CEP152: variants seen among roughly 807,000 people sequenced by gnomAD.
CEP152 encodes centrosomal protein of 152 kDa.
A neutral mutation model predicts 188.9 loss-of-function variants in CEP152; 132 were observed. The observed-to-expected ratio is 0.70, with a 90% confidence interval of 0.61 to 0.81. The LOEUF (loss-of-function observed/expected upper bound fraction) is 0.81. Ranked by LOEUF, CEP152 falls within the 30% of genes least tolerant of loss-of-function variation. The pLI, the probability that CEP152 is intolerant of heterozygous loss-of-function variation, is 0.00. For synonymous variants in CEP152, 649 were observed against 666.6 expected (o/e 0.97, Z 0.41); for missense variants, 1,914 against 1,969.8 (o/e 0.97, Z 0.54).
At chr15:48,744,143 C>T in intron 24 of CEP152, 97 bp downstream of exon 24, 1 of 1,539,450 alleles carries the variant, frequency 6.5e-7, no homozygotes, top group Non-Finnish European at 8.8e-7. Context: ...TTGGAAAATT[C>T]CCTAGAAGAA....
chr15:48,737,091 T>C (rs1050575418), downstream of CEP152, among the ~76,000 whole-genome samples: 4 of 152,148 alleles, frequency 2.6e-5, no homozygotes, highest in African/African-American at 9.7e-5. Flanking sequence ...TTATCCCTGG[T>C]CAAGAGTTAA....
chr15:48,762,919 C>A (rs532710963), intron 17 of CEP152, among the ~76,000 whole-genome samples: 1 of 151,930 alleles, frequency 6.6e-6, no homozygotes, highest in Non-Finnish European at 1.5e-5. Flanking sequence ...TGTGTAAAGT[C>A]AGGATATCTT....
intron 5 of CEP152, among the ~76,000 whole-genome samples, chr15:48,796,575 A>T (rs958371303): frequency 6.6e-6 from 1 of 152,184 alleles, no homozygotes; most frequent in Non-Finnish European, 1.5e-5. Context: ...ACGGTGCCTC[A>T]TATCTAATAA....
chr15:48,756,200 T>C lies in CEP152; in HGVS notation c.3048A>G (p.Leu1016=), dbSNP rs202022140. The part of the protein sequence containing the change: ...TELLLQKETE[L]QTCLDQSRRE... ...TACGACTCTGGTCTAGACAAGTTTG[T>C]AATTCTGTCTCCTTCTGAAGAAGTA... The change falls in exon 20 of 27, where the codon TTA becomes TTG. Residue 1016 remains leucine (L), a synonymous_variant. Transcript: ENST00000380950. The C allele has an allele frequency of 6.8e-6, 11 of 1,613,880 alleles. No individual in the cohort carries two copies. The highest frequency in any genetic ancestry group is 2.2e-5 in the South Asian group (2 of 91,022).
At chr15:48,732,929 TA>T (rs201539684) in intron 2 of CEP152, among the ~76,000 whole-genome samples, 161 of 143,686 alleles carry the variant, frequency 1.1e-3, no homozygotes, top group African/African-American at 1.5e-3. Flanking sequence ...TACTTATAAT[TA>T]AAAAAAAAAA....
chr15:48,799,194 A>AT (rs1314882358), intron 2 of CEP152, among the ~76,000 whole-genome samples: 12 of 151,852 alleles, frequency 7.9e-5, no homozygotes, highest in African/African-American at 2.9e-4. Context: ...GGTCTATAGC[A>AT]TTTTTTTTCC....
At chr15:48,749,894 G>A (rs1893751171) in intron 21 of CEP152, among the ~76,000 whole-genome samples, 1 of 151,888 alleles carries the variant, frequency 6.6e-6, no homozygotes, top group Non-Finnish European at 1.5e-5. Context: ...GAATACAACA[G>A]TAGATTAATA....
chr15:48,808,160 TTAAAA>T (rs1479684219), intron 1 of CEP152, among the ~76,000 whole-genome samples: 1 of 151,768 alleles, frequency 6.6e-6, no homozygotes, highest in African/African-American at 2.4e-5. Context: ...TAAATGAGAC[TTAAAA>T]TAAAAGCTAA....
chr15:48,742,809 T>C (rs1447483925), intron 24 of CEP152, among the ~76,000 whole-genome samples: 1 of 151,996 alleles, frequency 6.6e-6, no homozygotes, highest in Non-Finnish European at 1.5e-5. Context: ...GGCTAACTTT[T>C]ATTTTTTTTT....
chr15:48,808,137 G>A (rs1359375184), intron 1 of CEP152, among the ~76,000 whole-genome samples: 2 of 151,370 alleles, frequency 1.3e-5, no homozygotes, highest in Admixed American at 6.6e-5. Flanking sequence ...TAGTAAAAAG[G>A]TAATACATAT....
intron 22 of CEP152, among the ~76,000 whole-genome samples, chr15:48,747,513 G>A (rs74012136): frequency 1.4e-3 from 206 of 152,272 alleles, no homozygotes; most frequent in African/African-American, 4.7e-3. Flanking sequence ...CTACAGGGCC[G>A]CACAAGAGCA....
chr15:48,806,276 C>T (rs1473904659), intron 1 of CEP152, among the ~76,000 whole-genome samples: 1 of 150,270 alleles, frequency 6.7e-6, no homozygotes, highest in Non-Finnish European at 1.5e-5. Context: ...GAAGCTCCAC[C>T]ACTGTGGACT....
In CEP152 at chr15:48,760,711, C is replaced by T. The variant is rs532883418; in HGVS notation, c.2563-445G>A. 2.3e-3 allele frequency among the ~76,000 whole-genome samples: 351 copies of T among 152,158 alleles called. 1 individual carries two copies. Among genetic ancestry groups the T allele is most frequent in the African/African-American group, 8.3e-3 (343 of 41,530 alleles). ...GATCTAGTTTAGAGCCCTACACCTG[C>T]GAACTTTCCTACTGTCGAGAATGAG... is the stretch of plus-strand genomic sequence containing the variant. On this transcript the variant is annotated intron_variant, in intron 18 of 26. Transcript: ENST00000380950.
At chr15:48,805,523 G>T (rs769820045) in intron 2 of CEP152, 40 bp downstream of exon 2, 2 of 1,576,992 alleles carry the variant, frequency 1.3e-6, no homozygotes, top group Non-Finnish European at 1.7e-6. Context: ...TTAAAGATTG[G>T]GTTTAGTGTC....
chr15:48,735,256 C>T (rs1020936730), downstream of CEP152, among the ~76,000 whole-genome samples: 1 of 152,162 alleles, frequency 6.6e-6, no homozygotes. Flanking sequence ...TCTAAATAAT[C>T]TGTGGGTCAA....
intron 7 of CEP152, among the ~76,000 whole-genome samples, chr15:48,791,698 G>T (rs984350104): frequency 6.6e-6 from 1 of 151,884 alleles, no homozygotes; most frequent in Admixed American, 6.6e-5. Flanking sequence ...TATATTTTTA[G>T]TAGAGATGGG....
chr15:48,747,255 C>A (rs1327764125), intron 22 of CEP152, among the ~76,000 whole-genome samples: 1 of 152,116 alleles, frequency 6.6e-6, no homozygotes, highest in Admixed American at 6.5e-5. Context: ...AGTGGATGTA[C>A]AAAATAAACT....
intron 22 of CEP152, among the ~76,000 whole-genome samples, chr15:48,747,471 T>C (rs1439594174): frequency 1.3e-5 from 2 of 152,194 alleles, no homozygotes; most frequent in Non-Finnish European, 1.5e-5. Context: ...CAATACAGAA[T>C]GGTAATGGTG....
At chr15:48,777,449 A>C (rs1289617493) in intron 12 of CEP152, among the ~76,000 whole-genome samples, 1 of 148,046 alleles carries the variant, frequency 6.8e-6, no homozygotes, top group Non-Finnish European at 1.5e-5. Flanking sequence ...GATGATTCCA[A>C]ATAAAATCTT....
Sources: gnomAD v4.1 joint callset for allele counts (sites outside exome capture counted in the v4.1 genomes callset) on GRCh38, gnomAD v4.1.1 for gene constraint, MANE v1.5 for transcripts, NCBI Gene and HGNC (gene_info 2026-07-23, HGNC 2026-07-21) for gene names.